Variants in ENOX2 observed in about 807,000 individuals in gnomAD.
ENOX2 encodes the protein ecto-NOX disulfide-thiol exchanger 2.
Under a neutral mutation model 45.0 loss-of-function variants are expected in ENOX2, and 36 were observed. That is an observed-to-expected ratio of 0.80 (90% confidence interval 0.61 to 1.06). The LOEUF (loss-of-function observed/expected upper bound fraction) is 1.06, where lower values mean the gene tolerates loss of function less well. Ranked by LOEUF, ENOX2 falls within the 50% of genes least tolerant of loss-of-function variation. The pLI is 0.00. For synonymous variants in ENOX2, 174 were observed against 152.3 expected (o/e 1.14, Z -1.05); for missense variants, 423 against 462.5 (o/e 0.91, Z 0.78).
intron 5 of ENOX2, among the ~76,000 whole-genome samples, chrX:130,685,663 T>C (rs1346083958): frequency 1.8e-5 from 2 of 111,947 alleles, no homozygotes; most frequent in Admixed American, 9.5e-5. Context: ...TAAGTGAAAA[T>C]GCCTTAGAGT....
In ENOX2 at chrX:130,631,552, C is replaced by A. The variant is rs773298609; in HGVS notation, c.1444G>T (p.Ala482Ser). Residue 482 changes from alanine to serine, a missense_variant, in exon 13 of 15, where the codon GCC becomes TCC. Ala to Ser is a moderately conservative substitution (Grantham distance 99). Around this residue, in one of 5 missense-constraint regions of ENOX2, gnomAD observed 108 missense variants for 70.6 expected, o/e 1.53. Coordinates refer to ENST00000394363, the MANE Select transcript of ENOX2 (RefSeq NM_006375.4). ...GGGTATTCGCTATCCTGGTTTGAGG[C>A]ACACAGCCTAGAAGCACAGCTTTCC... ...EKESCASRLCASNQDSEYPLE... is the reference protein window; with the variant it reads ...EKESCASRLCSSNQDSEYPLE... The A allele has an allele frequency of 3.3e-6, 4 of 1,195,278 alleles. No homozygotes were observed. The South Asian group carries it at 7.1e-5, about 21-fold the overall frequency.
chrX:130,655,804 T>A (rs2036532003), intron 10 of ENOX2, among the ~76,000 whole-genome samples: 2 of 111,508 alleles, frequency 1.8e-5, no homozygotes, highest in South Asian at 7.6e-4. Context: ...CCAGCTAATT[T>A]TTTGTATTTT....
intron 3 of ENOX2, among the ~76,000 whole-genome samples, chrX:130,773,009 C>T (rs939866585): frequency 7.1e-5 from 8 of 112,262 alleles, no homozygotes; most frequent in Non-Finnish European, 1.5e-4. Context: ...TAATTGTTAG[C>T]GTAGTTATTT....
chrX:130,873,314 T>C (rs772608583), intron 2 of ENOX2, among the ~76,000 whole-genome samples: 20 of 112,249 alleles, frequency 1.8e-4, no homozygotes, highest in African/African-American at 6.5e-4. Flanking sequence ...CACTGGTCAT[T>C]AGAGAAAGCC....
At chrX:130,739,195 G>A (rs1317928882) in intron 3 of ENOX2, among the ~76,000 whole-genome samples, 1 of 112,699 alleles carries the variant, frequency 8.9e-6, no homozygotes, top group African/African-American at 3.2e-5. Flanking sequence ...TCCCGGGCTA[G>A]TGATATTGGG....
At chrX:130,899,259 A>C (rs945138649) in intron 2 of ENOX2, among the ~76,000 whole-genome samples, 1 of 112,399 alleles carries the variant, frequency 8.9e-6, no homozygotes, top group African/African-American at 3.2e-5. Context: ...GCAAACAGCT[A>C]GTCTTTTCAT....
At chrX:130,883,390 C>T (rs891545749) in intron 2 of ENOX2, among the ~76,000 whole-genome samples, 3 of 111,451 alleles carry the variant, frequency 2.7e-5, no homozygotes, top group African/African-American at 6.5e-5. Context: ...GGATTACAGG[C>T]GTGAGCCACT....
intron 5 of ENOX2, among the ~76,000 whole-genome samples, chrX:130,688,498 T>C (rs761543291): frequency 8.9e-6 from 1 of 112,513 alleles, no homozygotes; most frequent in East Asian, 2.8e-4. Flanking sequence ...TATATTCTCA[T>C]GTGCTTCAGA....
intron 3 of ENOX2, among the ~76,000 whole-genome samples, chrX:130,714,854 G>A (rs2038286514): frequency 9.0e-6 from 1 of 111,471 alleles, no homozygotes; most frequent in Non-Finnish European, 1.9e-5. Context: ...GTGCTAAGGA[G>A]AGAAGGTGGT....
At chrX:130,876,555 C>T (rs2078706608) in intron 2 of ENOX2, among the ~76,000 whole-genome samples, 1 of 111,352 alleles carries the variant, frequency 9.0e-6, no homozygotes, top group Non-Finnish European at 1.9e-5. Context: ...GTTGCACAAC[C>T]CTGTGAATAT....
intron 2 of ENOX2, among the ~76,000 whole-genome samples, chrX:130,849,322 T>C (rs1746622815): frequency 8.9e-6 from 1 of 112,127 alleles, no homozygotes; most frequent in South Asian, 3.7e-4. Flanking sequence ...ACTCAGTCCA[T>C]CCCAAGGACT....
intron 2 of ENOX2, among the ~76,000 whole-genome samples, chrX:130,897,455 C>G (rs1386754407): frequency 1.8e-5 from 2 of 111,980 alleles, no homozygotes; most frequent in Admixed American, 9.4e-5. Context: ...TAAATTTTCT[C>G]TTTAAAAAAT....
intron 5 of ENOX2, among the ~76,000 whole-genome samples, chrX:130,683,977 A>G (rs1172923240): frequency 8.9e-6 from 1 of 111,877 alleles, no homozygotes; most frequent in East Asian, 2.8e-4. Context: ...TAAGATCCTT[A>G]TCAGAGATCT....
chrX:130,732,180 A>C (rs1179487044), intron 3 of ENOX2, among the ~76,000 whole-genome samples: 1 of 112,306 alleles, frequency 8.9e-6, no homozygotes, highest in East Asian at 2.8e-4. Context: ...ATATAGAAAA[A>C]TCAGTTGCAT....
chrX:130,650,685 A>G (rs1258578149), intron 10 of ENOX2, among the ~76,000 whole-genome samples: 2 of 111,763 alleles, frequency 1.8e-5, no homozygotes, highest in Non-Finnish European at 3.8e-5. Flanking sequence ...CTTTTTGGCT[A>G]TTTCCTATGT....
In ENOX2 at chrX:130,693,532, C is replaced by G. The variant is rs1261650684; in HGVS notation, c.98-4514G>C. On this transcript the variant is annotated intron_variant, in intron 4 of 14. Coordinates refer to ENST00000394363, the MANE Select transcript of ENOX2 (RefSeq NM_006375.4). Reference sequence around the variant, plus strand: ...TCCAACTTGGTCTAATTCTAATGCCCTTAACCACTACACTGCCTCTCAATG... The same window carrying G: ...TCCAACTTGGTCTAATTCTAATGCCGTTAACCACTACACTGCCTCTCAATG... 2.2e-4 allele frequency among the ~76,000 whole-genome samples: 25 copies of G among 112,060 alleles called. No homozygotes were observed. In the Admixed American group the frequency reaches 2.4e-3, roughly 11 times the overall value.
intron 11 of ENOX2, among the ~76,000 whole-genome samples, chrX:130,635,835 T>C (rs1173256427): frequency 3.6e-5 from 4 of 112,298 alleles, no homozygotes; most frequent in African/African-American, 1.3e-4. Context: ...TGAGAAATTT[T>C]ATCATTGTTT....
At chrX:130,825,079 T>C (rs2077692813) in intron 2 of ENOX2, among the ~76,000 whole-genome samples, 2 of 111,063 alleles carry the variant, frequency 1.8e-5, no homozygotes, top group African/African-American at 6.5e-5. Flanking sequence ...GGAATGCTTT[T>C]CGTAATAGTA....
chrX:130,709,470 G>A, intron 3 of ENOX2: 2 of 431,013 alleles, frequency 4.6e-6, no homozygotes, highest in Middle Eastern at 4.8e-4. Context: ...AAAACCCAAC[G>A]TCTACTAAAA....
Sources: gnomAD v4.1 joint callset for allele counts (sites outside exome capture counted in the v4.1 genomes callset) on GRCh38, gnomAD v4.1.1 for gene constraint, gnomAD v4.1.1 regional missense constraint, MANE v1.5 for transcripts, NCBI Gene and HGNC (gene_info 2026-07-23, HGNC 2026-07-21) for gene names.